The following DNAH17 variants were observed in gnomAD, a reference collection of about 807,000 sequenced individuals.
The protein encoded by DNAH17 is dynein axonemal heavy chain 17.
A neutral mutation model predicts 485.6 loss-of-function variants in DNAH17; 376 were observed. That is an observed-to-expected ratio of 0.77 (90% CI 0.71 to 0.84). DNAH17 has a LOEUF of 0.84. Among genes scored for constraint, DNAH17 ranks in the 40% least tolerant of loss-of-function variants. The pLI, the probability that DNAH17 is intolerant of heterozygous loss-of-function variation, is 0.00. For synonymous variants in DNAH17, 3,031 were observed against 2,405.9 expected (o/e 1.26, Z -7.60); for missense variants, 6,370 against 5,839.3 (o/e 1.09, Z -2.96).
chr17:78,459,236 C>A lies in DNAH17; in HGVS notation c.9654-28G>T, dbSNP rs370808869. 1.4e-5 allele frequency: 23 copies of A among 1,606,258 alleles called. 1 individual carries two copies. The East Asian group carries it at 4.9e-4, about 34-fold the overall frequency. ...AGCGAGGGAACCAGAGGGCCGGAGT[C>A]GTCACCCTGTCCTGCTCTGGCAAAA... On this transcript the variant is annotated intron_variant, in intron 60 of 80. Transcript: ENST00000389840.
chr17:78,530,574 A>G (rs1016010056), intron 20 of DNAH17, 62 bp from the exon 21 acceptor site: 4 of 1,548,116 alleles, frequency 2.6e-6, no homozygotes, highest in Admixed American at 1.8e-5. Flanking sequence ...GCGTCAGCAC[A>G]GGGCCTCAGT....
intron 78 of DNAH17, 33 bp from the exon 79 acceptor site, chr17:78,426,633 T>G (rs1424556335): frequency 1.3e-6 from 2 of 1,567,104 alleles, no homozygotes; most frequent in Non-Finnish European, 1.7e-6. Flanking sequence ...TGGGGAGCCC[T>G]GAGCTGGGGC....
intron 21 of DNAH17, among the ~76,000 whole-genome samples, chr17:78,530,067 C>A (rs1245971103): frequency 6.6e-6 from 1 of 152,238 alleles, no homozygotes. Context: ...TGTTCAGCGC[C>A]AGCCTTCCCT....
chr17:78,550,078 G>C (rs1442166533), intron 16 of DNAH17, among the ~76,000 whole-genome samples: 2 of 152,214 alleles, frequency 1.3e-5, no homozygotes, highest in Non-Finnish European at 2.9e-5. Flanking sequence ...CTGAGACACT[G>C]GGGAAATGGC....
intron 51 of DNAH17, among the ~76,000 whole-genome samples, chr17:78,478,265 TCTCCACCAC>T (rs2089176387): frequency 7.2e-5 from 5 of 69,226 alleles, no homozygotes; most frequent in African/African-American, 2.3e-4. Context: ...ACCATTATCA[TCTCCACCAC>T]CATCACCATT....
intron 75 of DNAH17, among the ~76,000 whole-genome samples, chr17:78,433,086 G>T (rs1387882416): frequency 6.6e-6 from 1 of 152,160 alleles, no homozygotes; most frequent in Non-Finnish European, 1.5e-5. Context: ...CTGAGCCAGG[G>T]TCCATGTCGC....
At chr17:78,491,661 G>C in intron 42 of DNAH17, 91 bp from the exon 43 acceptor site, 2 of 1,506,134 alleles carry the variant, frequency 1.3e-6, no homozygotes, top group Admixed American at 2.1e-5. Flanking sequence ...CTCTCTGGGA[G>C]GGAGCCTGTC....
At chr17:78,432,345 T>C (rs1210162910) in intron 75 of DNAH17, among the ~76,000 whole-genome samples, 1 of 151,908 alleles carries the variant, frequency 6.6e-6, no homozygotes, top group Non-Finnish European at 1.5e-5. Context: ...ATCCGGGTCT[T>C]GTTCTGGGTG....
In DNAH17 at chr17:78,567,019, GATC is replaced by G. The variant is rs771171412; in HGVS notation, c.1429_1431del (p.Asp477del). 6 of 1,613,364 alleles carry G rather than the reference GATC, an allele frequency of 3.7e-6. No individual in the cohort carries two copies. The highest frequency in any genetic ancestry group is 5.1e-6 in the Non-Finnish European group (6 of 1,179,698). On this transcript the variant is annotated inframe_deletion, in exon 10 of 81. Coordinates refer to ENST00000389840, the MANE Select transcript of DNAH17 (RefSeq NM_173628.4). Reference sequence around the variant, plus strand: ...CCTACCGAGTCTCCAGGGTCCAAGGGATCATATTTGCAGTCGGCAAAAACCTTC... The same window carrying G: ...CCTACCGAGTCTCCAGGGTCCAAGGGATATTTGCAGTCGGCAAAAACCTTC...
At chr17:78,502,261 TCTC>T (rs567414755) in intron 33 of DNAH17, 5 of 334,918 alleles carry the variant, frequency 1.5e-5, no homozygotes, top group South Asian at 1.4e-4. Flanking sequence ...ACAGGTAAAT[TCTC>T]CTTCTTTTCA....
At chr17:78,572,405 C>T (rs2092371663) in intron 3 of DNAH17, among the ~76,000 whole-genome samples, 2 of 152,150 alleles carry the variant, frequency 1.3e-5, no homozygotes, top group South Asian at 4.1e-4. Flanking sequence ...ACACCTTCTG[C>T]TTGCTGGGTG....
intron 14 of DNAH17, among the ~76,000 whole-genome samples, chr17:78,557,668 C>T (rs532713906): frequency 6.0e-5 from 7 of 116,488 alleles, no homozygotes; most frequent in East Asian, 5.4e-4. Flanking sequence ...AAAAAAGTAA[C>T]GTAAGCCAAA....
intron 24 of DNAH17, among the ~76,000 whole-genome samples, chr17:78,526,345 AGGGACTATG>A (rs745326060): frequency 2.0e-4 from 31 of 152,138 alleles, no homozygotes; most frequent in Non-Finnish European, 4.0e-4. Flanking sequence ...AGTCAGGCTA[AGGGACTATG>A]GGTCACACAG....
Position 78,428,684 on chromosome 17 carries a change from C to G in DNAH17, c.12429G>C (p.Glu4143Asp), listed in dbSNP as rs1245865631. 1 of 1,613,910 alleles carries G rather than the reference C, an allele frequency of 6.2e-7. No individual in the cohort carries two copies. The highest frequency in any genetic ancestry group is 8.5e-7 in the Non-Finnish European group (1 of 1,179,874). The change falls in exon 77 of 81, where the codon GAG (glutamate) becomes GAC (aspartate). Residue 4143 changes from glutamate to aspartate, a missense_variant. Physicochemically the swap from Glu to Asp is conservative, Grantham distance 45. Transcript: ENST00000389840. ...GATAGGGACTCTCAGGGGGCAGGTTCTCATCGATGTATTCGTGGTAACCCT... is the reference window on the plus strand; with the variant it reads ...GATAGGGACTCTCAGGGGGCAGGTTGTCATCGATGTATTCGTGGTAACCCT... The part of the protein sequence containing the change: ...DYKGYHEYID[E>D]NLPPESPYLY...
At chr17:78,527,628 C>T (rs980400721) in intron 22 of DNAH17, among the ~76,000 whole-genome samples, 2 of 152,102 alleles carry the variant, frequency 1.3e-5, no homozygotes, top group Admixed American at 1.3e-4. Flanking sequence ...CCTTTCTATC[C>T]CTCCACCACA....
Position 78,470,069 on chromosome 17 carries a change from CTTTT to C in DNAH17, c.8512-1190_8512-1187del, listed in dbSNP as rs34298026. Among the ~76,000 whole-genome samples, 14 of 93,380 alleles carry C rather than the reference CTTTT, an allele frequency of 1.5e-4. No individual in the cohort carries two copies. In the East Asian group the frequency reaches 2.4e-3, roughly 16 times the overall value. 61.3% of individuals were successfully genotyped at this position (93,380 alleles called of 152,430 possible). ...TTAAAAGTGGTGAAAATGTCTTACT[CTTTT>C]TTTTTTTTTTTTTTTTTTGAGACAG... is the stretch of plus-strand genomic sequence containing the variant. On this transcript the variant is annotated intron_variant, in intron 54 of 80. Coordinates refer to ENST00000389840, the MANE Select transcript of DNAH17 (RefSeq NM_173628.4).
intron 19 of DNAH17, among the ~76,000 whole-genome samples, chr17:78,533,374 A>C (rs1393838754): frequency 1.3e-5 from 2 of 152,134 alleles, no homozygotes; most frequent in African/African-American, 4.8e-5. Flanking sequence ...TTGGTCTGAG[A>C]GCTGATGGAT....
chr17:78,494,188 ATGAGGCTGGG>A lies in DNAH17; in HGVS notation c.6271-25_6271-16del. On this transcript the variant is annotated splice_polypyrimidine_tract_variant and intron_variant, in intron 40 of 80. Transcript: ENST00000389840. ...TGCTTGATGATCTGGGGAGACATGGATGAGGCTGGGTGAGGAACTGAAGCAGCTTTTCTTT... is the reference window on the plus strand; with the variant it reads ...TGCTTGATGATCTGGGGAGACATGGATGAGGAACTGAAGCAGCTTTTCTTT... 1 of 1,604,858 alleles carries A rather than the reference ATGAGGCTGGG, an allele frequency of 6.2e-7. No individual in the cohort carries two copies. Among genetic ancestry groups the A allele is most frequent in the South Asian group, 1.1e-5 (1 of 90,816 alleles).
At chr17:78,544,392 C>T (rs1304195951) in intron 16 of DNAH17, among the ~76,000 whole-genome samples, 4 of 152,120 alleles carry the variant, frequency 2.6e-5, no homozygotes, top group Non-Finnish European at 5.9e-5. Context: ...AAACGGAGGG[C>T]CACGTGGGAG....
Sources: gnomAD v4.1 joint callset for allele counts (sites outside exome capture counted in the v4.1 genomes callset) on GRCh38, gnomAD v4.1.1 for gene constraint, MANE v1.5 for transcripts, NCBI Gene and HGNC (gene_info 2026-07-23, HGNC 2026-07-21) for gene names.